Variants in SPPL3 observed in about 807,000 individuals in gnomAD.
SPPL3 encodes signal peptide peptidase-like 3.
In SPPL3, 5 loss-of-function variants were observed where a neutral mutation model predicts 42.4. The ratio of observed to expected loss-of-function variants is 0.12; its 90% CI spans 0.06 to 0.25. The LOEUF (loss-of-function observed/expected upper bound fraction) is 0.25. Ranked by LOEUF, SPPL3 falls within the 10% of genes least tolerant of loss-of-function variation. The pLI is 1.00. For synonymous variants in SPPL3, 195 were observed against 181.8 expected (o/e 1.07, Z -0.58); for missense variants, 235 against 489.0 (o/e 0.48, Z 4.90).
At position 120,791,434 on chromosome 12, in the gene SPPL3, T is replaced by C. The variant is rs766839765; in HGVS notation, c.190+35A>G. The stretch of plus-strand genomic sequence containing the variant: ...AGAAACAGCCAAATTAAGAAAACTA[T>C]ATGTACAGAAGTTAATTGACATAAA... On this transcript the variant is annotated intron_variant, in intron 3 of 10. Transcript: ENST00000353487. The C allele has an allele frequency of 6.1e-6, 9 of 1,466,404 alleles. No homozygotes were observed. In the East Asian group the frequency reaches 1.2e-4, roughly 19 times the overall value. The allele number at this position is 1,466,404 out of a possible 1,614,324, so 90.8% of individuals were successfully genotyped here.
intron 1 of SPPL3, among the ~76,000 whole-genome samples, chr12:120,874,454 A>C (rs1873021168): frequency 2.3e-5 from 1 of 43,128 alleles, no homozygotes; most frequent in Admixed American, 3.8e-4. Context: ...CCCTGTCGCA[A>C]AAAAAAAAAA....
intron 1 of SPPL3, among the ~76,000 whole-genome samples, chr12:120,847,654 C>T (rs959243790): frequency 6.6e-6 from 1 of 151,796 alleles, no homozygotes; most frequent in Non-Finnish European, 1.5e-5. Flanking sequence ...CGGTTTGAAA[C>T]TCCTGAGCTC....
rs1265675825 is a variant in SPPL3, at chr12:120,765,080, A to G, written c.1084-10T>C. On this transcript the variant is annotated splice_polypyrimidine_tract_variant and intron_variant, in intron 10 of 10. Transcript: ENST00000353487. ...TCCGCCGGAGGTCGCCCTGGGAAAC[A>G]AGGGACTTTCTAAGTTACAGATTTA... 3.1e-6 allele frequency: 5 copies of G among 1,613,086 alleles called. No individual in the cohort carries two copies. The South Asian group carries it at 4.4e-5, about 14-fold the overall frequency.
chr12:120,885,125 A>G (rs1018108630), intron 1 of SPPL3, among the ~76,000 whole-genome samples: 1 of 152,190 alleles, frequency 6.6e-6, no homozygotes, highest in Non-Finnish European at 1.5e-5. Flanking sequence ...AACTCAACTA[A>G]AAGACATTTC....
chr12:120,819,798 G>A (rs1870996112), intron 1 of SPPL3, among the ~76,000 whole-genome samples: 1 of 152,158 alleles, frequency 6.6e-6, no homozygotes, highest in Admixed American at 6.5e-5. Context: ...GCTTCGTCAA[G>A]AACATTCTAA....
rs1039028364 is a variant in SPPL3, at chr12:120,762,636, C to A, written c.*2363G>T. The A allele has an allele frequency of 2.7e-5, 4 of 150,490 alleles. No individual in the cohort carries two copies. Among genetic ancestry groups the A allele is most frequent in the Admixed American group, 6.7e-5 (1 of 15,018 alleles). The allele number at this position is 150,490 out of a possible 1,614,324, so 9.3% of individuals were successfully genotyped here. A position where few individuals can be genotyped will look rare whatever the true frequency, so the allele number is the denominator to read the frequency against. On this transcript the variant is annotated 3_prime_UTR_variant, in exon 11 of 11. Coordinates refer to ENST00000353487, the MANE Select transcript of SPPL3 (RefSeq NM_139015.5). Reference sequence around the variant, plus strand: ...TGAGATGGAGTCTCACCCTGTCGCCCAGACTTGAGTGCAGTGGCGCAATCT... The same window carrying A: ...TGAGATGGAGTCTCACCCTGTCGCCAAGACTTGAGTGCAGTGGCGCAATCT...
At chr12:120,774,602 T>C (rs941062833) in intron 6 of SPPL3, among the ~76,000 whole-genome samples, 10 of 152,108 alleles carry the variant, frequency 6.6e-5, no homozygotes, top group Non-Finnish European at 7.4e-5. Flanking sequence ...AGGCATCCTT[T>C]TGACTGTCTC....
intron 4 of SPPL3, 105 bp from the exon 5 acceptor site, chr12:120,783,857 T>G (rs1869624393): frequency 6.6e-6 from 6 of 906,192 alleles, no homozygotes; most frequent in Non-Finnish European, 1.0e-5. Flanking sequence ...TACGGTTAAT[T>G]GACTAGAGAA....
At chr12:120,784,453 G>A (rs778812454) in intron 4 of SPPL3, 21 bp downstream of exon 4, 74 of 1,575,724 alleles carry the variant, frequency 4.7e-5, no homozygotes, top group Non-Finnish European at 5.4e-5. Context: ...GTTAAGACTA[G>A]ACAGAGAAAC....
intron 3 of SPPL3, among the ~76,000 whole-genome samples, chr12:120,790,333 A>C (rs118043622): frequency 0.02 from 3,110 of 152,324 alleles, 60 homozygotes; most frequent in South Asian, 0.052. Context: ...TGCCCGGTGA[A>C]AACTGGGCAA....
intron 1 of SPPL3, among the ~76,000 whole-genome samples, chr12:120,818,528 G>C (rs1316257804): frequency 6.6e-6 from 1 of 152,202 alleles, no homozygotes; most frequent in African/African-American, 2.4e-5. Flanking sequence ...ACCAGCAAGT[G>C]CTTATAACAC....
At chr12:120,841,923 T>A (rs1209611885) in intron 1 of SPPL3, among the ~76,000 whole-genome samples, 1 of 152,210 alleles carries the variant, frequency 6.6e-6, no homozygotes, top group East Asian at 1.9e-4. Flanking sequence ...AGTCACAGGA[T>A]TATTGGCTTG....
intron 2 of SPPL3, among the ~76,000 whole-genome samples, chr12:120,805,022 G>C (rs554495101): frequency 3.0e-4 from 46 of 152,238 alleles, no homozygotes; most frequent in African/African-American, 9.4e-4. Context: ...GTCCAGAATA[G>C]GCAAATCTAT....
At chr12:120,852,854 C>CATATAATATATACATATTATATGAAATAT (rs1872300374) in intron 1 of SPPL3, among the ~76,000 whole-genome samples, 1 of 48,348 alleles carries the variant, frequency 2.1e-5, no homozygotes, top group African/African-American at 7.4e-5. Context: ...ATATGAAATA[C>CATATAATATATACATATTATATGAAATAT]ATATTTCATA....
At chr12:120,861,013 T>C (rs1872602719) in intron 1 of SPPL3, among the ~76,000 whole-genome samples, 1 of 152,246 alleles carries the variant, frequency 6.6e-6, no homozygotes, top group Non-Finnish European at 1.5e-5. Flanking sequence ...GACTCTCATA[T>C]ACTTTAAATC....
rs143485474 is a variant in SPPL3, at chr12:120,812,661, C to T, written c.24-1775G>A. Among the ~76,000 whole-genome samples the T allele has an allele frequency of 4.9e-3, 741 of 152,194 alleles. 3 individuals are homozygous for T. The highest frequency in any genetic ancestry group is 0.027 in the Middle Eastern group (8 of 294). On this transcript the variant is annotated intron_variant, in intron 1 of 10. Coordinates refer to ENST00000353487, the MANE Select transcript of SPPL3 (RefSeq NM_139015.5). ...GTAGAAGAAGGAACTGCAAAGAAAA[C>T]CAAGATGAAAGAGAGACAGAGAAGG... is the stretch of plus-strand genomic sequence containing the variant.
chr12:120,766,277 T>A lies in SPPL3; in HGVS notation c.1069A>T (p.Met357Leu). Residue 357 changes from methionine (M) to leucine (L), a missense_variant, in exon 10 of 11, where the codon ATG becomes TTG. Physicochemically the swap from Met to Leu is conservative, Grantham distance 15. This residue lies in a region of SPPL3 where 38 missense variants were observed against 105.2 expected (regional missense o/e 0.36). Coordinates refer to ENST00000353487, the MANE Select transcript of SPPL3 (RefSeq NM_139015.5). ...GCTGCTCTCACCTTTAAATAGGCCA[T>A]CGTGAGGAGTGGCAATAAAGTAAAT... ...VPFTLLPLLT[M>L]AYLKGDLRRM... The A allele has an allele frequency of 6.3e-7, 1 of 1,586,612 alleles. No homozygotes were observed. Among genetic ancestry groups the A allele is most frequent in the Non-Finnish European group, 8.6e-7 (1 of 1,166,486 alleles).
Position 120,765,008 on chromosome 12 carries a change from C to T in SPPL3, c.1146G>A (p.Leu382=). The T allele has an allele frequency of 1.2e-6, 2 of 1,613,878 alleles. No homozygotes were observed. The highest frequency in any genetic ancestry group is 1.7e-6 in the Non-Finnish European group (2 of 1,179,896). ...CTTTCCACGTGATCCATCATACTTC[C>T]AGGAATCGGGAGCTGCTGGACTTGG... is the stretch of plus-strand genomic sequence containing the variant. The part of the protein sequence containing the change: ...FHSKSSSSRF[L]EV The change falls in exon 11 of 11, where the codon CTG becomes CTA. Residue 382 remains leucine, a synonymous_variant. Coordinates refer to ENST00000353487, the MANE Select transcript of SPPL3 (RefSeq NM_139015.5).
intron 1 of SPPL3, among the ~76,000 whole-genome samples, chr12:120,857,231 A>T (rs572638997): frequency 6.6e-6 from 1 of 152,184 alleles, no homozygotes; most frequent in Non-Finnish European, 1.5e-5. Flanking sequence ...TCTCTCTCTC[A>T]GTTTATGAAA....
Sources: gnomAD v4.1 joint callset for allele counts (sites outside exome capture counted in the v4.1 genomes callset) on GRCh38, gnomAD v4.1.1 for gene constraint, gnomAD v4.1.1 regional missense constraint, MANE v1.5 for transcripts, NCBI Gene and HGNC (gene_info 2026-07-23, HGNC 2026-07-21) for gene names.